INTS7: variants seen among roughly 807,000 people sequenced by gnomAD.
INTS7 encodes integrator complex subunit 7, also known as chromosome 1 open reading frame 73.
Under a neutral mutation model 109.2 loss-of-function variants are expected in INTS7, and 46 were observed. The ratio of observed to expected loss-of-function variants is 0.42; its 90% confidence interval spans 0.33 to 0.54. The LOEUF (loss-of-function observed/expected upper bound fraction) is 0.54, where lower values mean the gene tolerates loss of function less well. Among genes scored for constraint, INTS7 ranks in the 20% least tolerant of loss-of-function variants. INTS7 has a pLI of 0.07. For missense variants in INTS7, 929 were observed against 1,132.4 expected (o/e 0.82, Z 2.58); for synonymous variants, 412 against 402.9 (o/e 1.02, Z -0.27).
chr1:211,957,777 T>C (rs963391750), intron 16 of INTS7, among the ~76,000 whole-genome samples: 3 of 152,140 alleles, frequency 2.0e-5, no homozygotes, highest in Non-Finnish European at 4.4e-5. Context: ...TCATGACCAA[T>C]TTCAAGGTCA....
chr1:212,013,572 G>A (rs926430884), intron 4 of INTS7, among the ~76,000 whole-genome samples: 7 of 152,220 alleles, frequency 4.6e-5, no homozygotes, highest in African/African-American at 1.7e-4. Context: ...GTAATATACA[G>A]TAATGTCCTA....
chr1:211,988,686 G>A (rs776587376), intron 7 of INTS7, among the ~76,000 whole-genome samples: 3 of 152,032 alleles, frequency 2.0e-5, no homozygotes, highest in Admixed American at 6.6e-5. Flanking sequence ...GTGTACTATC[G>A]TCTCGATTTT....
chr1:211,993,595 G>A (rs1436401344), intron 7 of INTS7, among the ~76,000 whole-genome samples: 5 of 149,794 alleles, frequency 3.3e-5, no homozygotes, highest in African/African-American at 1.2e-4. Context: ...CAGGAGAATC[G>A]CTTGAACCCA....
Position 212,026,247 on chromosome 1 carries a change from A to G in INTS7, c.95-5035T>C, listed in dbSNP as rs116738745. 5.1e-3 allele frequency among the ~76,000 whole-genome samples: 782 copies of G among 152,316 alleles called. 4 individuals carry two copies. Among genetic ancestry groups the G allele is most frequent in the Non-Finnish European group, 9.6e-3 (652 of 68,012 alleles). On this transcript the variant is annotated intron_variant, in intron 1 of 19. Transcript: ENST00000366994. Reference sequence around the variant, plus strand: ...AAGTAAAACTGCATAGGTAATTTCTATCATTTACTAATGGGTGATGTTCCG... The same window carrying G: ...AAGTAAAACTGCATAGGTAATTTCTGTCATTTACTAATGGGTGATGTTCCG...
Position 212,020,945 on chromosome 1 carries a change from G to A in INTS7, c.224+138C>T, listed in dbSNP as rs535176003. On this transcript the variant is annotated intron_variant, in intron 2 of 19. Transcript: ENST00000366994. ...ATGTCATTAAATCTCACACTGATGT[G>A]CTGCACACAGTCATGTGTGTCCACT... The A allele has an allele frequency of 1.8e-4, 137 of 769,284 alleles. 1 individual carries two copies. In the African/African-American group the frequency reaches 2.3e-3, roughly 13 times the overall value. The allele number at this position is 769,284 out of a possible 1,614,324, so 47.7% of individuals were successfully genotyped here. A position where few individuals can be genotyped will look rare whatever the true frequency, so the allele number is the denominator to read the frequency against.
chr1:211,951,255 G>A (rs1450741206), intron 17 of INTS7, among the ~76,000 whole-genome samples: 1 of 152,150 alleles, frequency 6.6e-6, no homozygotes, highest in Non-Finnish European at 1.5e-5. Flanking sequence ...CCAAGGTAAT[G>A]GCATTTGGAG....
intron 1 of INTS7, among the ~76,000 whole-genome samples, chr1:212,032,744 G>A (rs1304349199): frequency 6.6e-6 from 1 of 152,162 alleles, no homozygotes; most frequent in Non-Finnish European, 1.5e-5. Context: ...TTCCCAAAGT[G>A]CGGGGATTAC....
At position 212,020,121 on chromosome 1, in the gene INTS7, C is replaced by T; in HGVS notation, c.371+1G>A. On this transcript the variant is annotated splice_donor_variant, in intron 3 of 19. Coordinates refer to ENST00000366994, the MANE Select transcript of INTS7 (RefSeq NM_015434.4). LOFTEE classifies it high-confidence loss of function. ...GTGAATTATTATAATACGGTATATACCGGAGGGTGATGGCTCTTGCCACAG... is the reference window on the plus strand; with the variant it reads ...GTGAATTATTATAATACGGTATATATCGGAGGGTGATGGCTCTTGCCACAG... 6.3e-7 allele frequency: 1 copy of T among 1,592,066 alleles called. No individual in the cohort carries two copies. Among genetic ancestry groups the T allele is most frequent in the Non-Finnish European group, 8.6e-7 (1 of 1,168,524 alleles).
intron 4 of INTS7, among the ~76,000 whole-genome samples, chr1:212,016,569 A>G (rs552747339): frequency 6.6e-6 from 1 of 152,340 alleles, no homozygotes; most frequent in African/African-American, 2.4e-5. Context: ...TTACAGATCT[A>G]TATGTCTGGG....
At chr1:211,967,806 T>A (rs547213374) in intron 15 of INTS7, 72 bp downstream of exon 15, 3 of 760,384 alleles carry the variant, frequency 3.9e-6, no homozygotes, top group Admixed American at 4.8e-5. Flanking sequence ...TAGGTAAGCA[T>A]ATCTGAGGTA....
At chr1:211,945,684 A>G (rs898864728) in intron 18 of INTS7, among the ~76,000 whole-genome samples, 2 of 152,232 alleles carry the variant, frequency 1.3e-5, no homozygotes, top group African/African-American at 2.4e-5. Flanking sequence ...GTTATTTGTA[A>G]TCAAAACATT....
In INTS7 at chr1:211,941,992, T is replaced by C. The variant is rs750899216; in HGVS notation, c.2721A>G (p.Glu907=). ...TACCATTGGCATCTTTCACAGAAGA[T>C]TCCACTGTAATGTTGTGTGTTCCAA... The part of the protein sequence containing the change: ...AILGTHNITV[E]SSVKDANGIV... The change falls in exon 20 of 20, where the codon GAA becomes GAG. Residue 907 remains glutamate (E), a synonymous_variant. Transcript: ENST00000366994. 6.2e-7 allele frequency: 1 copy of C among 1,614,224 alleles called. No individual in the cohort carries two copies. The highest frequency in any genetic ancestry group is 1.1e-5 in the South Asian group (1 of 91,090).
intron 5 of INTS7, 126 bp downstream of exon 5, chr1:212,011,249 T>C (rs1666155995): frequency 3.3e-6 from 2 of 604,824 alleles, no homozygotes; most frequent in Admixed American, 3.4e-5. Context: ...TTTGGGCAAA[T>C]AGAAGATACT....
chr1:212,025,019 C>T (rs1424162307), intron 1 of INTS7, among the ~76,000 whole-genome samples: 1 of 152,220 alleles, frequency 6.6e-6, no homozygotes, highest in African/African-American at 2.4e-5. Flanking sequence ...AACTAGTATT[C>T]ACTCACATGT....
chr1:211,958,378 T>C (rs60848591), intron 16 of INTS7, among the ~76,000 whole-genome samples: 1 of 152,158 alleles, frequency 6.6e-6, no homozygotes, highest in Non-Finnish European at 1.5e-5. Flanking sequence ...TCAGTAGATA[T>C]TCTGATCTTT....
chr1:211,943,517 T>C (rs570426968), intron 19 of INTS7, among the ~76,000 whole-genome samples: 3 of 152,278 alleles, frequency 2.0e-5, no homozygotes, highest in South Asian at 4.1e-4. Context: ...ACTCTAAATA[T>C]AGTAAATAAT....
At chr1:211,971,788 C>T (rs1260776583) in intron 13 of INTS7, among the ~76,000 whole-genome samples, 12 of 151,620 alleles carry the variant, frequency 7.9e-5, no homozygotes, top group African/African-American at 2.4e-4. Flanking sequence ...TGGTGGAGAG[C>T]GCCTGTAATC....
chr1:211,979,711 A>G (rs1664569103), intron 10 of INTS7, among the ~76,000 whole-genome samples: 1 of 152,222 alleles, frequency 6.6e-6, no homozygotes, highest in South Asian at 2.1e-4. Flanking sequence ...TTCTTCCACC[A>G]CAACAGGTAC....
At chr1:212,028,413 C>T (rs1329626425) in intron 1 of INTS7, among the ~76,000 whole-genome samples, 1 of 152,198 alleles carries the variant, frequency 6.6e-6, no homozygotes, top group Non-Finnish European at 1.5e-5. Context: ...ACTGCAGAAA[C>T]ATTACAGTAC....
Sources: gnomAD v4.1 joint callset for allele counts (sites outside exome capture counted in the v4.1 genomes callset) on GRCh38, gnomAD v4.1.1 for gene constraint, MANE v1.5 for transcripts, NCBI Gene and HGNC (gene_info 2026-07-23, HGNC 2026-07-21) for gene names.